The following CYP4F2 variants were observed in gnomAD, a reference collection of about 807,000 sequenced individuals.
The protein encoded by CYP4F2 is cytochrome P450 family 4 subfamily F member 2.
A neutral mutation model predicts 58.9 loss-of-function variants in CYP4F2; 58 were observed. That is an observed-to-expected ratio of 0.98 (90% confidence interval 0.80 to 1.23). CYP4F2 has a LOEUF of 1.23. Among genes scored for constraint, CYP4F2 ranks in the 50% most tolerant of loss-of-function variants. The pLI, the probability that CYP4F2 is intolerant of heterozygous loss-of-function variation, is 0.00. For synonymous variants in CYP4F2, 287 were observed against 261.1 expected, an observed-to-expected ratio of 1.10 and a Z score of -0.95; for missense variants, 616 against 685.6, an observed-to-expected ratio of 0.90 and a Z score of 1.13.
intron 7 of CYP4F2, among the ~76,000 whole-genome samples, chr19:15,888,119 CACAA>C (rs2089392684): frequency 6.6e-6 from 1 of 152,082 alleles, no homozygotes; most frequent in Non-Finnish European, 1.5e-5. Context: ...TAGACACAGA[CACAA>C]ACACACATAG....
At chr19:15,894,079 C>A (rs967788132) in intron 3 of CYP4F2, among the ~76,000 whole-genome samples, 1 of 152,168 alleles carries the variant, frequency 6.6e-6, no homozygotes, top group African/African-American at 2.4e-5. Context: ...CAGAAAAGGT[C>A]TTTCCCCATG....
chr19:15,881,937 G>C (rs2089348409), intron 9 of CYP4F2, among the ~76,000 whole-genome samples: 1 of 152,164 alleles, frequency 6.6e-6, no homozygotes, highest in Non-Finnish European at 1.5e-5. Context: ...ACCTAAAATA[G>C]TCAAGCTCAT....
At position 15,886,230 on chromosome 19, in the gene CYP4F2, T is replaced by G. The variant is rs1264763326; in HGVS notation, c.985+12A>C. 2 of 1,614,070 alleles carry G rather than the reference T, an allele frequency of 1.2e-6. No homozygotes were observed. The highest frequency in any genetic ancestry group is 1.7e-6 in the Non-Finnish European group (2 of 1,179,978). On this transcript the variant is annotated intron_variant, in intron 8 of 12. Coordinates refer to ENST00000221700, the MANE Select transcript of CYP4F2 (RefSeq NM_001082.5). The stretch of plus-strand genomic sequence containing the variant: ...CCCGGTCCCCTCTCTAGCCCCACAC[T>G]GGGGCCCTCACCCTCAAACATAAAG...
At chr19:15,881,996 G>A (rs2089348792) in intron 9 of CYP4F2, among the ~76,000 whole-genome samples, 1 of 152,112 alleles carries the variant, frequency 6.6e-6, no homozygotes, top group Non-Finnish European at 1.5e-5. Flanking sequence ...TGTAATCCCA[G>A]CACTTTGGGA....
intron 3 of CYP4F2, 126 bp from the exon 4 acceptor site, chr19:15,892,708 G>A (rs1599356028): frequency 7.1e-7 from 1 of 1,413,742 alleles, no homozygotes; most frequent in Non-Finnish European, 9.6e-7. Flanking sequence ...CAGGAAGAGG[G>A]CCAAGGGCAG....
At chr19:15,892,836 T>C (rs1398031948) in intron 3 of CYP4F2, among the ~76,000 whole-genome samples, 1 of 152,024 alleles carries the variant, frequency 6.6e-6, no homozygotes, top group Non-Finnish European at 1.5e-5. Context: ...CAGCATGCCT[T>C]GACATGCCTC....
At chr19:15,879,711 T>C (rs1349449388) in intron 10 of CYP4F2, 43 bp from the exon 11 acceptor site, 1 of 1,613,928 alleles carries the variant, frequency 6.2e-7, no homozygotes, top group South Asian at 1.1e-5. Flanking sequence ...CCTCCTTCAC[T>C]GAGGGGCCCC....
intron 9 of CYP4F2, among the ~76,000 whole-genome samples, chr19:15,883,421 A>G (rs957178469): frequency 1.1e-4 from 17 of 152,192 alleles, no homozygotes; most frequent in African/African-American, 4.1e-4. Context: ...CAAAACCACA[A>G]TGAGATATCA....
intron 5 of CYP4F2, among the ~76,000 whole-genome samples, chr19:15,891,865 C>T (rs977103493): frequency 6.6e-6 from 1 of 152,190 alleles, no homozygotes; most frequent in Non-Finnish European, 1.5e-5. Flanking sequence ...TGCAAGGCTG[C>T]CTACCTGACC....
rs3093102 is a variant in CYP4F2 at position 15,897,634 on chromosome 19, C to T, written c.-1-22G>A. 10,452 of 1,611,354 alleles carry T rather than the reference C, an allele frequency of 6.5e-3. 486 individuals carry two copies. The African/African-American group carries it at 0.1, about 16-fold the overall frequency. On this transcript the variant is annotated intron_variant, in intron 1 of 12. Coordinates refer to ENST00000221700, the MANE Select transcript of CYP4F2 (RefSeq NM_001082.5). ...CATCCTGCAGGGCAGACGGGATGGA[C>T]GGTGAGATCCTGAGGCCCAGAGAAC...
intron 2 of CYP4F2, among the ~76,000 whole-genome samples, 169 bp downstream of exon 2, chr19:15,897,245 C>T (rs1014353082): frequency 3.3e-5 from 5 of 152,116 alleles, no homozygotes; most frequent in Admixed American, 6.5e-5. Flanking sequence ...GAAGGGCTTG[C>T]GTAGGCACCT....
intron 9 of CYP4F2, among the ~76,000 whole-genome samples, chr19:15,885,661 T>G (rs1238168718): frequency 1.2e-5 from 1 of 80,936 alleles, no homozygotes; most frequent in Non-Finnish European, 2.8e-5. Flanking sequence ...GAAGTTCATT[T>G]GCTGAACACG....
At chr19:15,886,601 AC>A (rs1472614241) in intron 7 of CYP4F2, 1 of 412,010 alleles carries the variant, frequency 2.4e-6, no homozygotes, top group Non-Finnish European at 4.3e-6. Flanking sequence ...AACCTGAGTT[AC>A]AGGAGAATTA....
intron 9 of CYP4F2, among the ~76,000 whole-genome samples, chr19:15,885,482 A>G (rs3093167): frequency 0.14 from 21,366 of 152,196 alleles, 1,648 homozygotes; most frequent in Non-Finnish European, 0.17. Context: ...ACGGATGAAC[A>G]GTGCAAGTGT....
intron 8 of CYP4F2, 87 bp downstream of exon 8, chr19:15,886,155 G>A (rs1466850237): frequency 1.2e-6 from 2 of 1,607,878 alleles, no homozygotes; most frequent in East Asian, 4.5e-5. Flanking sequence ...GGGGAAGGGG[G>A]ATGGGAAGGT....
chr19:15,890,269 T>G, intron 6 of CYP4F2, 43 bp downstream of exon 6: 1 of 1,613,252 alleles, frequency 6.2e-7, no homozygotes, highest in Non-Finnish European at 8.5e-7. Flanking sequence ...CTACCCACTT[T>G]GGGTCCACAG....
intron 2 of CYP4F2, among the ~76,000 whole-genome samples, chr19:15,896,015 T>C (rs545611481): frequency 2.4e-4 from 37 of 151,914 alleles, no homozygotes; most frequent in Admixed American, 1.9e-3. Context: ...ATCCATCCTA[T>C]CTGTGCATCC....
intron 5 of CYP4F2, 26 bp downstream of exon 5, chr19:15,892,283 T>A: frequency 1.2e-6 from 2 of 1,614,032 alleles, no homozygotes; most frequent in Non-Finnish European, 1.7e-6. Context: ...AGGCTGCAAG[T>A]GGGACCTTGG....
At chr19:15,893,524 A>G (rs2145013294) in intron 3 of CYP4F2, among the ~76,000 whole-genome samples, 1 of 152,356 alleles carries the variant, frequency 6.6e-6, no homozygotes, top group Middle Eastern at 3.4e-3. Flanking sequence ...GTGTAAATAT[A>G]CAAGGCAGAC....
Sources: gnomAD v4.1 joint callset for allele counts (sites outside exome capture counted in the v4.1 genomes callset) on GRCh38, gnomAD v4.1.1 for gene constraint, MANE v1.5 for transcripts, NCBI Gene and HGNC (gene_info 2026-07-23, HGNC 2026-07-21) for gene names.